Variants in SPATA9 observed in about 807,000 individuals in gnomAD.
The protein encoded by SPATA9 is spermatogenesis-associated protein 9.
Under a neutral mutation model 25.5 loss-of-function variants are expected in SPATA9, and 27 were observed. That is an observed-to-expected ratio of 1.06 (90% CI 0.78 to 1.46). The LOEUF (loss-of-function observed/expected upper bound fraction) is 1.46, where lower values mean the gene tolerates loss of function less well. Ranked by LOEUF, SPATA9 falls within the 40% of genes most tolerant of loss-of-function variation. The pLI is 0.00. For missense variants in SPATA9, 282 were observed against 297.5 expected (o/e 0.95, Z 0.38); for synonymous variants, 102 against 105.7 (o/e 0.97, Z 0.21).
chr5:95,731,688 C>T, the SPATA9 span: 1 of 1,613,410 alleles, frequency 6.2e-7, no homozygotes, highest in East Asian at 2.2e-5. Context: ...AGATCATGTA[C>T]GTACGCGCCG....
At chr5:95,689,948 TTTTACATG>T (rs1753841345) in intron 1 of SPATA9, among the ~76,000 whole-genome samples, 1 of 152,074 alleles carries the variant, frequency 6.6e-6, no homozygotes, top group South Asian at 2.1e-4. Flanking sequence ...GTAAACCAAA[TTTTACATG>T]TTCTCACTTA....
chr5:95,712,487 C>G, the SPATA9 span, among the ~76,000 whole-genome samples: 1 of 152,188 alleles, frequency 6.6e-6, no homozygotes, highest in African/African-American at 2.4e-5. Flanking sequence ...CCTGAGCCAC[C>G]ATGTAAGATG....
the SPATA9 span, among the ~76,000 whole-genome samples, chr5:95,727,665 G>A: frequency 3.9e-5 from 6 of 152,162 alleles, no homozygotes; most frequent in Non-Finnish European, 8.8e-5. Context: ...ATGTGCTGAT[G>A]AGAGAAACTG....
chr5:95,677,604 GT>G (rs922824515), intron 2 of SPATA9, among the ~76,000 whole-genome samples: 47 of 151,798 alleles, frequency 3.1e-4, no homozygotes, highest in Non-Finnish European at 6.2e-4. Context: ...CTTCTTAGCA[GT>G]TTTTTTTCAC....
At chr5:95,684,290 G>A (rs528005773), upstream of SPATA9, among the ~76,000 whole-genome samples, 3 of 152,260 alleles carry the variant, frequency 2.0e-5, no homozygotes, top group South Asian at 6.2e-4. Context: ...CAAGATAGTT[G>A]GTCATCAGCG....
At chr5:95,723,408 C>T in the SPATA9 span, among the ~76,000 whole-genome samples, 2 of 152,192 alleles carry the variant, frequency 1.3e-5, no homozygotes, top group African/African-American at 2.4e-5. Context: ...CTGTAGTCTC[C>T]TTCTCTGGGA....
downstream of SPATA9, chr5:95,656,333 A>T (rs779461093): frequency 1.3e-6 from 2 of 1,557,086 alleles, no homozygotes; most frequent in Admixed American, 3.6e-5. Flanking sequence ...GAAATGAAAA[A>T]TGTTGTGTAT....
the SPATA9 span, among the ~76,000 whole-genome samples, chr5:95,707,565 C>T: frequency 2.8e-4 from 42 of 152,212 alleles, no homozygotes; most frequent in African/African-American, 8.7e-4. Context: ...GAACGTAAAC[C>T]GTTCCAGGTG....
the SPATA9 span, chr5:95,731,795 T>C: frequency 1.2e-6 from 2 of 1,603,250 alleles, no homozygotes; most frequent in African/African-American, 1.3e-5. Flanking sequence ...CACTTCCTGT[T>C]CCGAGGAGAG....
the SPATA9 span, chr5:95,731,541 C>A: frequency 7.1e-7 from 1 of 1,414,232 alleles, no homozygotes; most frequent in African/African-American, 1.5e-5. Context: ...CGCTCTGCGT[C>A]GGCCCCGCCG....
At chr5:95,714,004 A>G in the SPATA9 span, among the ~76,000 whole-genome samples, 2 of 152,228 alleles carry the variant, frequency 1.3e-5, no homozygotes, top group Non-Finnish European at 2.9e-5. Context: ...ACTTCCAGGC[A>G]TACAATCATA....
At chr5:95,656,603 G>A, downstream of SPATA9, 2 of 192,816 alleles carry the variant, frequency 1.0e-5, no homozygotes, top group South Asian at 1.8e-4. Context: ...CAAATAATAG[G>A]TAAAAATTAA....
At chr5:95,698,666 G>A (rs1015955913) in exon 1 of SPATA9, 2 of 152,192 alleles carry the variant, frequency 1.3e-5, no homozygotes, top group African/African-American at 4.8e-5. Flanking sequence ...GAGAGGAAAA[G>A]CAGCTGACCA....
intron 4 of SPATA9, among the ~76,000 whole-genome samples, chr5:95,663,517 AAAT>A (rs1751472397): frequency 6.6e-6 from 1 of 152,134 alleles, no homozygotes; most frequent in Non-Finnish European, 1.5e-5. Context: ...TATTAATAGA[AAAT>A]AAAACCCTTA....
chr5:95,697,591 C>T (rs1055661538), intron 1 of SPATA9, among the ~76,000 whole-genome samples: 1 of 152,144 alleles, frequency 6.6e-6, no homozygotes, highest in Non-Finnish European at 1.5e-5. Flanking sequence ...GGGAAGGTAA[C>T]CTCCGTCTCT....
At chr5:95,728,410 T>C in the SPATA9 span, among the ~76,000 whole-genome samples, 1 of 152,248 alleles carries the variant, frequency 6.6e-6, no homozygotes, top group Non-Finnish European at 1.5e-5. Context: ...TAACCTCCTC[T>C]TCTTCCAAAT....
downstream of SPATA9, chr5:95,654,020 G>T (rs190511649): frequency 4.8e-4 from 752 of 1,567,760 alleles, 1 homozygote; most frequent in Non-Finnish European, 6.0e-4. Flanking sequence ...AACCAAATTA[G>T]TGAATACTTC....
chr5:95,709,231 T>C, the SPATA9 span, among the ~76,000 whole-genome samples: 1 of 152,294 alleles, frequency 6.6e-6, no homozygotes, highest in Admixed American at 6.5e-5. Flanking sequence ...AGTGGCAGAA[T>C]AATATCTTGT....
chr5:95,674,083 A>T (rs571293381), intron 3 of SPATA9, among the ~76,000 whole-genome samples: 1 of 152,328 alleles, frequency 6.6e-6, no homozygotes, highest in South Asian at 2.1e-4. Flanking sequence ...TGTAGTTCAT[A>T]AAGAATCCAG....
Sources: allele counts gnomAD v4.1 joint callset (sites outside exome capture counted in the v4.1 genomes callset), GRCh38; gene constraint gnomAD v4.1.1; transcripts MANE v1.5; gene names NCBI Gene and HGNC (gene_info 2026-07-23, HGNC 2026-07-21).